Variants in SRGAP1 observed in about 807,000 individuals in gnomAD.
The protein encoded by SRGAP1 is SLIT-ROBO Rho GTPase-activating protein 1.
In SRGAP1, 43 loss-of-function variants were observed where a neutral mutation model predicts 121.9. That is an observed-to-expected ratio of 0.35 (90% CI 0.28 to 0.46). The LOEUF is 0.46. Among genes scored for constraint, SRGAP1 ranks in the 20% least tolerant of loss-of-function variants. The pLI, the probability that SRGAP1 is intolerant of heterozygous loss-of-function variation, is 1.00. For synonymous variants in SRGAP1, 447 were observed against 485.4 expected (o/e 0.92, Z 1.04); for missense variants, 1,102 against 1,350.9 (o/e 0.82, Z 2.89).
At chr12:64,131,743 C>T (rs182379081) in intron 21 of SRGAP1, among the ~76,000 whole-genome samples, 83 of 152,288 alleles carry the variant, frequency 5.5e-4, no homozygotes, top group African/African-American at 8.7e-4. Flanking sequence ...CTGCTGTGCA[C>T]GACCCGCTTT....
intron 16 of SRGAP1, among the ~76,000 whole-genome samples, chr12:64,110,747 T>A (rs945453700): frequency 3.9e-5 from 6 of 152,188 alleles, no homozygotes; most frequent in Admixed American, 3.9e-4. Context: ...AAATATTGTG[T>A]GTTTGAGAAA....
chr12:64,119,774 T>C (rs966672768), intron 18 of SRGAP1, among the ~76,000 whole-genome samples: 20 of 148,904 alleles, frequency 1.3e-4, no homozygotes, highest in Non-Finnish European at 1.3e-4. Flanking sequence ...TTGTTTCTTT[T>C]TTTTTTTTTT....
At chr12:63,935,872 C>G (rs2031645426) in intron 1 of SRGAP1, among the ~76,000 whole-genome samples, 2 of 152,100 alleles carry the variant, frequency 1.3e-5, no homozygotes, top group Non-Finnish European at 2.9e-5. Flanking sequence ...ATGGAGAATT[C>G]CAGCTCTTAG....
At chr12:63,919,871 G>A (rs1316841250) in intron 1 of SRGAP1, among the ~76,000 whole-genome samples, 1 of 152,182 alleles carries the variant, frequency 6.6e-6, no homozygotes, top group Non-Finnish European at 1.5e-5. Flanking sequence ...GTGTTGTTGG[G>A]TGAGTATGCA....
chr12:64,052,628 G>T (rs1485849546), intron 6 of SRGAP1, among the ~76,000 whole-genome samples: 1 of 151,528 alleles, frequency 6.6e-6, no homozygotes, highest in Admixed American at 6.6e-5. Context: ...ATTTAAAAAA[G>T]AAAAAGCATG....
intron 8 of SRGAP1, among the ~76,000 whole-genome samples, chr12:64,075,777 G>T (rs2035726092): frequency 6.6e-6 from 1 of 151,780 alleles, no homozygotes; most frequent in Non-Finnish European, 1.5e-5. Context: ...TCTACTCTTT[G>T]CATTGTGCAT....
At chr12:63,866,806 T>C (rs1405109946) in intron 1 of SRGAP1, among the ~76,000 whole-genome samples, 1 of 151,834 alleles carries the variant, frequency 6.6e-6, no homozygotes, top group Non-Finnish European at 1.5e-5. Flanking sequence ...CCAGTGCTGG[T>C]CAGCAATGCA....
chr12:63,971,473 A>G lies in SRGAP1; in HGVS notation c.68-12474A>G, dbSNP rs534437360. Among the ~76,000 whole-genome samples the G allele has an allele frequency of 1.6e-4, 25 of 152,312 alleles. No individual in the cohort carries two copies. In the South Asian group the frequency reaches 4.8e-3, roughly 29 times the overall value. ...GTTGACTAGACATTGTTTAATGAAC[A>G]TTGTTGAATTCAGTTTTTTTTCAGA... On this transcript the variant is annotated intron_variant, in intron 1 of 21. Coordinates refer to ENST00000355086, the MANE Select transcript of SRGAP1 (RefSeq NM_020762.4).
At chr12:64,028,020 T>C (rs2034692220) in intron 4 of SRGAP1, among the ~76,000 whole-genome samples, 1 of 152,236 alleles carries the variant, frequency 6.6e-6, no homozygotes, top group African/African-American at 2.4e-5. Context: ...GTTGAAGCCA[T>C]GTGAAACATT....
At chr12:64,100,880 A>T (rs1416904547) in intron 15 of SRGAP1, among the ~76,000 whole-genome samples, 1 of 152,130 alleles carries the variant, frequency 6.6e-6, no homozygotes, top group Non-Finnish European at 1.5e-5. Flanking sequence ...GTAGCATAAT[A>T]CATCTTTTAT....
At chr12:64,008,684 C>T (rs758004350) in intron 3 of SRGAP1, among the ~76,000 whole-genome samples, 18 of 152,092 alleles carry the variant, frequency 1.2e-4, no homozygotes, top group Non-Finnish European at 2.4e-4. Flanking sequence ...TTCCTAAACA[C>T]ATAGGAGACA....
intron 15 of SRGAP1, among the ~76,000 whole-genome samples, chr12:64,098,435 C>T (rs1000064172): frequency 6.6e-6 from 1 of 151,896 alleles, no homozygotes; most frequent in African/African-American, 2.4e-5. Context: ...GCAAACTCCC[C>T]AAGGTGGGCT....
At chr12:64,119,757 A>G (rs2136627711) in intron 18 of SRGAP1, among the ~76,000 whole-genome samples, 1 of 144,422 alleles carries the variant, frequency 6.9e-6, no homozygotes, top group Middle Eastern at 3.6e-3. Flanking sequence ...TTATTTTTAA[A>G]TATTATTTGT....
intron 1 of SRGAP1, among the ~76,000 whole-genome samples, chr12:63,897,577 G>A (rs899462248): frequency 1.3e-5 from 2 of 152,140 alleles, no homozygotes; most frequent in African/African-American, 4.8e-5. Flanking sequence ...CCGTAACTCC[G>A]ACATGCTCTC....
intron 4 of SRGAP1, among the ~76,000 whole-genome samples, chr12:64,024,661 A>G (rs1234666742): frequency 1.3e-5 from 2 of 152,182 alleles, no homozygotes; most frequent in African/African-American, 2.4e-5. Context: ...TCACACTGCA[A>G]TGAAGAAATA....
chr12:64,001,524 A>T (rs936421682), intron 3 of SRGAP1, among the ~76,000 whole-genome samples: 1 of 152,200 alleles, frequency 6.6e-6, no homozygotes, highest in Non-Finnish European at 1.5e-5. Context: ...GTTTTTGGAC[A>T]TGTAACAAGT....
intron 1 of SRGAP1, among the ~76,000 whole-genome samples, chr12:63,907,833 G>C (rs574553663): frequency 6.6e-6 from 1 of 152,170 alleles, no homozygotes; most frequent in African/African-American, 2.4e-5. Context: ...GAATTTTATC[G>C]TCCTAGCCCT....
intron 18 of SRGAP1, among the ~76,000 whole-genome samples, chr12:64,118,710 C>CTTATTTAT (rs377520467): frequency 0.017 from 2,588 of 150,452 alleles, 83 homozygotes; most frequent in African/African-American, 0.059. Flanking sequence ...TCTTTGGTGC[C>CTTATTTAT]TTATTTATTT....
chr12:64,105,693 A>G (rs2036334404), intron 15 of SRGAP1, among the ~76,000 whole-genome samples: 1 of 152,188 alleles, frequency 6.6e-6, no homozygotes, highest in African/African-American at 2.4e-5. Context: ...CTGAGGTATC[A>G]GAATCACTTG....
Sources: gnomAD v4.1 joint callset for allele counts (sites outside exome capture counted in the v4.1 genomes callset) on GRCh38, gnomAD v4.1.1 for gene constraint, MANE v1.5 for transcripts, NCBI Gene and HGNC (gene_info 2026-07-23, HGNC 2026-07-21) for gene names.